CNTLN: variants seen among roughly 807,000 people sequenced by gnomAD.
The protein encoded by CNTLN is centlein, centrosomal protein.
In CNTLN, 212 loss-of-function variants were observed where a neutral mutation model predicts 180.0. That is an observed-to-expected ratio of 1.18 (90% CI 1.05 to 1.32). CNTLN has a LOEUF of 1.32. Among genes scored for constraint, CNTLN ranks in the 40% most tolerant of loss-of-function variants. CNTLN has a pLI of 0.00. For synonymous variants in CNTLN, 722 were observed against 563.1 expected (o/e 1.28, Z -3.99); for missense variants, 2,095 against 1,610.9 (o/e 1.30, Z -5.14).
intron 20 of CNTLN, among the ~76,000 whole-genome samples, chr9:17,463,821 T>A (rs1249948296): frequency 2.6e-5 from 4 of 151,594 alleles, no homozygotes; most frequent in African/African-American, 9.7e-5. Context: ...TTAATAATAT[T>A]AAATTAGGTT....
intron 2 of CNTLN, among the ~76,000 whole-genome samples, chr9:17,220,412 T>A (rs1185736874): frequency 3.3e-5 from 5 of 152,144 alleles, no homozygotes; most frequent in Admixed American, 6.5e-5. Flanking sequence ...ACAGTTTTTT[T>A]AAAAACATTT....
At chr9:17,373,691 A>G (rs1167581065) in intron 13 of CNTLN, among the ~76,000 whole-genome samples, 1 of 152,184 alleles carries the variant, frequency 6.6e-6, no homozygotes, top group Non-Finnish European at 1.5e-5. Context: ...AAACAAAAAG[A>G]ACAAAACTAG....
intron 14 of CNTLN, among the ~76,000 whole-genome samples, chr9:17,392,199 C>A (rs1472763970): frequency 6.6e-6 from 1 of 152,002 alleles, no homozygotes; most frequent in Non-Finnish European, 1.5e-5. Context: ...CCCAGGAGGT[C>A]AAGGCTGAAA....
chr9:17,193,609 A>G (rs1821929537), intron 2 of CNTLN, among the ~76,000 whole-genome samples: 1 of 152,180 alleles, frequency 6.6e-6, no homozygotes, highest in African/African-American at 2.4e-5. Context: ...GTGGCTTTGC[A>G]GGGTCCAGCC....
intron 14 of CNTLN, among the ~76,000 whole-genome samples, chr9:17,389,619 G>C (rs1825944162): frequency 6.6e-5 from 10 of 151,942 alleles, no homozygotes. Flanking sequence ...TCAAGCACAA[G>C]TTAATTCCTC....
chr9:17,303,089 A>T (rs538688465), intron 7 of CNTLN, among the ~76,000 whole-genome samples: 51 of 152,292 alleles, frequency 3.3e-4, no homozygotes, highest in African/African-American at 9.6e-4. Flanking sequence ...CCCTGTTTGT[A>T]GATCAGGTAA....
chr9:17,232,449 G>T (rs1217979722), intron 3 of CNTLN, among the ~76,000 whole-genome samples: 1 of 151,550 alleles, frequency 6.6e-6, no homozygotes, highest in Non-Finnish European at 1.5e-5. Context: ...CTCATGAAAG[G>T]ACTCTCTATT....
intron 7 of CNTLN, among the ~76,000 whole-genome samples, chr9:17,306,038 G>T (rs1818680943): frequency 6.6e-6 from 1 of 151,886 alleles, no homozygotes. Context: ...TACACACCTA[G>T]TCATATCACA....
intron 2 of CNTLN, among the ~76,000 whole-genome samples, chr9:17,197,317 G>C (rs1822197432): frequency 6.6e-6 from 1 of 152,056 alleles, no homozygotes; most frequent in African/African-American, 2.4e-5. Flanking sequence ...CTGACTTCTG[G>C]ATAAAAGCCA....
intron 8 of CNTLN, among the ~76,000 whole-genome samples, chr9:17,313,033 G>A (rs1056704072): frequency 1.3e-5 from 2 of 152,018 alleles, no homozygotes; most frequent in African/African-American, 4.8e-5. Context: ...TGATTGTTAT[G>A]TCTTTCTGAT....
chr9:17,427,101 C>G (rs1829134265), intron 18 of CNTLN, among the ~76,000 whole-genome samples: 1 of 152,044 alleles, frequency 6.6e-6, no homozygotes, highest in African/African-American at 2.4e-5. Flanking sequence ...AGAGGATTCT[C>G]AAATTTGGCC....
the CNTLN span, among the ~76,000 whole-genome samples, chr9:17,525,662 G>T: frequency 4.6e-5 from 7 of 152,060 alleles, no homozygotes; most frequent in South Asian, 2.1e-4. Flanking sequence ...CCTTTTAAAA[G>T]ACCTAATTTT....
chr9:17,330,749 T>C lies in CNTLN; in HGVS notation c.1459T>C (p.Ser487Pro), dbSNP rs1235020469. 1.9e-6 allele frequency: 3 copies of C among 1,611,892 alleles called. No homozygotes were observed. The highest frequency in any genetic ancestry group is 1.1e-5 in the South Asian group (1 of 90,758). ...IANEKLSENISANKGFSRKSI... is the reference protein window; with the variant it reads ...IANEKLSENIPANKGFSRKSI... ...AAATGAAAAACTGTCAGAAAACATA[T>C]CTGCCAACAAGGGTTTCTCCCGAAA... The change falls in exon 9 of 26, where the codon TCT (serine) becomes CCT (proline). Residue 487 changes from serine to proline, a missense_variant. Ser to Pro is a moderately conservative substitution (Grantham distance 74). Coordinates refer to ENST00000380647, the MANE Select transcript of CNTLN (RefSeq NM_017738.4).
chr9:17,520,358 G>A, the CNTLN span, among the ~76,000 whole-genome samples: 1 of 152,182 alleles, frequency 6.6e-6, no homozygotes, highest in Non-Finnish European at 1.5e-5. Flanking sequence ...GGAGCGTGGG[G>A]CTGAACAGCA....
In CNTLN at chr9:17,388,174, G is replaced by A; in HGVS notation, c.2000G>A (p.Arg667Lys). 1 of 1,609,222 alleles carries A rather than the reference G, an allele frequency of 6.2e-7. No homozygotes were observed. The highest frequency in any genetic ancestry group is 8.5e-7 in the Non-Finnish European group (1 of 1,176,312). Residue 667 changes from arginine to lysine, a missense_variant, in exon 14 of 26, where the codon AGA becomes AAA. Transcript: ENST00000380647. ...VAERREEQLFRSGEDDEVKRS... is the reference protein window; with the variant it reads ...VAERREEQLFKSGEDDEVKRS... Reference sequence around the variant, plus strand: ...TATTCTCTACCAGAACAGCTCTTTAGATCTGGTGAAGATGATGAGGTCAAG... The same window carrying A: ...TATTCTCTACCAGAACAGCTCTTTAAATCTGGTGAAGATGATGAGGTCAAG...
At chr9:17,482,735 A>G (rs772239285) in intron 23 of CNTLN, among the ~76,000 whole-genome samples, 1 of 152,208 alleles carries the variant, frequency 6.6e-6, no homozygotes, top group African/African-American at 2.4e-5. Context: ...ATACTCAAAT[A>G]TAAAACTTAA....
chr9:17,155,769 C>T (rs576792907), intron 2 of CNTLN, among the ~76,000 whole-genome samples: 3 of 151,296 alleles, frequency 2.0e-5, no homozygotes, highest in Non-Finnish European at 2.9e-5. Flanking sequence ...GTGTTCTGGG[C>T]GCCAGTAGGG....
At chr9:17,360,401 G>T (rs35375281) in intron 12 of CNTLN, among the ~76,000 whole-genome samples, 35,751 of 152,054 alleles carry the variant, frequency 0.24, 4,418 homozygotes, top group South Asian at 0.34. Flanking sequence ...AAATTAGTAA[G>T]AGGAAACATC....
intron 9 of CNTLN, 40 bp downstream of exon 9, chr9:17,330,848 G>C: frequency 1.3e-6 from 2 of 1,544,294 alleles, no homozygotes; most frequent in Non-Finnish European, 1.8e-6. Context: ...GCCAGGATGA[G>C]GCTGGAAAGA....
Sources: gnomAD v4.1 joint callset for allele counts (sites outside exome capture counted in the v4.1 genomes callset) on GRCh38, gnomAD v4.1.1 for gene constraint, MANE v1.5 for transcripts, NCBI Gene and HGNC (gene_info 2026-07-23, HGNC 2026-07-21) for gene names.